MYO5B: variants seen among roughly 807,000 people sequenced by gnomAD.
The protein encoded by MYO5B is unconventional myosin-Vb.
In MYO5B, 143 loss-of-function variants were observed where a neutral mutation model predicts 229.3. That is an observed-to-expected ratio of 0.62 (90% CI 0.54 to 0.72). The LOEUF is 0.72. Ranked by LOEUF, MYO5B falls within the 30% of genes least tolerant of loss-of-function variation. The pLI, the probability that MYO5B is intolerant of heterozygous loss-of-function variation, is 0.00. For missense variants in MYO5B, 2,321 were observed against 2,331.0 expected (o/e 1.00, Z 0.09); for synonymous variants, 918 against 885.2 (o/e 1.04, Z -0.66).
intron 16 of MYO5B, among the ~76,000 whole-genome samples, chr18:49,934,794 C>T (rs1197128992): frequency 6.6e-6 from 1 of 152,182 alleles, no homozygotes; most frequent in South Asian, 2.1e-4. Flanking sequence ...TAACCTTTTC[C>T]ACACAGAGCC....
chr18:49,979,954 C>G (rs1367149355), intron 9 of MYO5B, among the ~76,000 whole-genome samples: 4 of 152,238 alleles, frequency 2.6e-5, no homozygotes, highest in Admixed American at 2.6e-4. Context: ...GAGCACTTGA[C>G]AGCTTGCAGT....
At chr18:50,114,765 G>T (rs2031928237) in intron 1 of MYO5B, among the ~76,000 whole-genome samples, 1 of 152,174 alleles carries the variant, frequency 6.6e-6, no homozygotes, top group African/African-American at 2.4e-5. Context: ...GGAAGGGCAG[G>T]AAGTGTGGGG....
intron 2 of MYO5B, among the ~76,000 whole-genome samples, chr18:50,054,725 G>C (rs2030498067): frequency 6.6e-6 from 1 of 152,128 alleles, no homozygotes; most frequent in Admixed American, 6.5e-5. Context: ...AACACATAGG[G>C]AGCACTTATG....
intron 1 of MYO5B, among the ~76,000 whole-genome samples, chr18:50,089,377 C>CA (rs1228784960): frequency 6.6e-6 from 1 of 150,766 alleles, no homozygotes; most frequent in Admixed American, 6.6e-5. Flanking sequence ...GACTCCGTCT[C>CA]AAAAAAGGAA....
Position 49,836,971 on chromosome 18 carries a change from G to C in MYO5B, c.5139-86C>G, listed in dbSNP as rs948698045. ...GACACCTGTTGTGTTTTGCAGGCCCGCTGCAGCTAGTGCCATTATTTATCT... is the reference window on the plus strand; with the variant it reads ...GACACCTGTTGTGTTTTGCAGGCCCCCTGCAGCTAGTGCCATTATTTATCT... On this transcript the variant is annotated intron_variant, in intron 37 of 39. Coordinates refer to ENST00000285039, the MANE Select transcript of MYO5B (RefSeq NM_001080467.3). The C allele has an allele frequency of 1.0e-5, 13 of 1,276,210 alleles. 1 individual carries two copies. The highest frequency in any genetic ancestry group is 5.7e-5 in the Admixed American group (3 of 52,494). The allele number at this position is 1,276,210 out of a possible 1,614,324, so 79.1% of individuals were successfully genotyped here. A position where few individuals can be genotyped will look rare whatever the true frequency, so the allele number is the denominator to read the frequency against.
intron 1 of MYO5B, chr18:50,064,381 C>G (rs1054986240): frequency 6.6e-6 from 1 of 152,226 alleles, no homozygotes; most frequent in Non-Finnish European, 1.5e-5. Context: ...TAATGCATAT[C>G]ATGCAGCTAA....
intron 14 of MYO5B, among the ~76,000 whole-genome samples, chr18:49,943,491 T>C (rs951680149): frequency 1.3e-5 from 2 of 152,202 alleles, no homozygotes. Context: ...CTAAAATCCA[T>C]ATGCCAACAT....
At chr18:50,076,167 A>C (rs1039173266) in intron 1 of MYO5B, among the ~76,000 whole-genome samples, 10 of 152,198 alleles carry the variant, frequency 6.6e-5, no homozygotes, top group African/African-American at 2.4e-4. Flanking sequence ...AAGGCGTGCC[A>C]GAGAGCAACC....
chr18:49,996,958 G>A (rs553329795), intron 5 of MYO5B, among the ~76,000 whole-genome samples: 1 of 152,200 alleles, frequency 6.6e-6, no homozygotes, highest in African/African-American at 2.4e-5. Context: ...GGTTAACAGT[G>A]TCTGGCTTTC....
At chr18:49,827,359 T>C (rs1000859649) in intron 39 of MYO5B, among the ~76,000 whole-genome samples, 4 of 152,222 alleles carry the variant, frequency 2.6e-5, no homozygotes, top group Non-Finnish European at 5.9e-5. Context: ...CTCCAAAAAT[T>C]TGGGGTTGTG....
chr18:50,028,198 C>T (rs2026351569), intron 4 of MYO5B, among the ~76,000 whole-genome samples: 1 of 151,996 alleles, frequency 6.6e-6, no homozygotes, highest in African/African-American at 2.4e-5. Flanking sequence ...TATTTACATC[C>T]CATTAAAGCT....
At chr18:49,908,814 G>A (rs1056714146) in intron 18 of MYO5B, among the ~76,000 whole-genome samples, 3 of 152,182 alleles carry the variant, frequency 2.0e-5, no homozygotes, top group Non-Finnish European at 4.4e-5. Flanking sequence ...CCAGATTAGA[G>A]TACAAAGAAT....
At chr18:49,916,015 G>A (rs568788927) in intron 17 of MYO5B, among the ~76,000 whole-genome samples, 21 of 152,262 alleles carry the variant, frequency 1.4e-4, no homozygotes, top group African/African-American at 4.8e-4. Flanking sequence ...TGACTCTTTC[G>A]GCTTTGCTGA....
rs1252995963 is a variant in MYO5B at position 49,856,372 on chromosome 18, TGGAGCACAGCCA to T, written c.4022+429_4022+440del. ...AGGCTCTGGGGGCACAGGTTACATT[TGGAGCACAGCCA>T]GCAGCACAGATCAGGCAGACATTTT... On this transcript the variant is annotated intron_variant, in intron 30 of 39. Coordinates refer to ENST00000285039, the MANE Select transcript of MYO5B (RefSeq NM_001080467.3). Among the ~76,000 whole-genome samples the T allele has an allele frequency of 2.6e-5, 4 of 152,194 alleles. No individual in the cohort carries two copies. The South Asian group carries it at 8.3e-4, about 32-fold the overall frequency.
At chr18:50,043,124 C>G (rs1257090562) in intron 2 of MYO5B, among the ~76,000 whole-genome samples, 1 of 150,772 alleles carries the variant, frequency 6.6e-6, no homozygotes, top group Non-Finnish European at 1.5e-5. Context: ...GAAAAAGATA[C>G]TTGCTCATGC....
rs2033047199 is a variant in MYO5B at position 50,179,818 on chromosome 18, C to T, written c.27+14949G>A. ...CGAAAGAGCCTCATCTCCCTTAATG[C>T]CTAAAGCATCCTTAGAATGAAGCCT... On this transcript the variant is annotated intron_variant, in intron 1 of 39. Transcript: ENST00000285039. Among the ~76,000 whole-genome samples the T allele has an allele frequency of 3.3e-5, 5 of 152,290 alleles. No homozygotes were observed. The South Asian group carries it at 1.0e-3, about 32-fold the overall frequency.
chr18:49,945,741 T>A (rs3017177), intron 14 of MYO5B, among the ~76,000 whole-genome samples: 88,678 of 147,784 alleles, frequency 0.6, 26,460 homozygotes, highest in Middle Eastern at 0.74. Context: ...AATGGGCTGG[T>A]GGAGGGGAGG....
At position 50,068,334 on chromosome 18, in the gene MYO5B, A is replaced by G. The variant is rs114914159; in HGVS notation, c.28-12956T>C. On this transcript the variant is annotated intron_variant, in intron 1 of 39. Coordinates refer to ENST00000285039, the MANE Select transcript of MYO5B (RefSeq NM_001080467.3). ...AGGTTCTGGATACAGCCTGAGTCAT[A>G]CTGTATTCTTTCCACCACTTAGGTG... 1.2e-3 allele frequency among the ~76,000 whole-genome samples: 184 copies of G among 152,296 alleles called. 2 individuals carry two copies. The highest frequency in any genetic ancestry group is 4.3e-3 in the African/African-American group (179 of 41,568).
chr18:49,876,409 TA>T, intron 25 of MYO5B: 3 of 218,824 alleles, frequency 1.4e-5, no homozygotes, highest in Non-Finnish European at 2.7e-5. Context: ...TGCGTGGGGA[TA>T]GGGGTGTACA....
Sources: gnomAD v4.1 joint callset for allele counts (sites outside exome capture counted in the v4.1 genomes callset) on GRCh38, gnomAD v4.1.1 for gene constraint, MANE v1.5 for transcripts, NCBI Gene and HGNC (gene_info 2026-07-23, HGNC 2026-07-21) for gene names.